BNC2: variants seen among roughly 807,000 people sequenced by gnomAD.
The protein encoded by BNC2 is basonuclin zinc finger protein 2.
BNC2 carries 20 observed loss-of-function variants against 76.3 expected under a neutral mutation model. The ratio of observed to expected loss-of-function variants is 0.26; its 90% confidence interval spans 0.18 to 0.38. BNC2 has a LOEUF of 0.38. Ranked by LOEUF, BNC2 falls within the 10% of genes least tolerant of loss-of-function variation. The pLI, the probability that BNC2 is intolerant of heterozygous loss-of-function variation, is 1.00. For synonymous variants in BNC2, 582 were observed against 514.8 expected (o/e 1.13, Z -1.77); for missense variants, 1,382 against 1,399.8 (o/e 0.99, Z 0.20).
chr9:16,718,310 T>C (rs763638351), intron 3 of BNC2, among the ~76,000 whole-genome samples: 10 of 152,222 alleles, frequency 6.6e-5, no homozygotes, highest in Non-Finnish European at 1.5e-4. Context: ...ATGTTGGAGT[T>C]TGAATTCTTC....
intron 5 of BNC2, among the ~76,000 whole-genome samples, chr9:16,503,468 A>T (rs1291941919): frequency 6.6e-6 from 1 of 152,132 alleles, no homozygotes; most frequent in Admixed American, 6.6e-5. Flanking sequence ...TCAAAAATAC[A>T]AAATACATGG....
intron 1 of BNC2, among the ~76,000 whole-genome samples, chr9:16,749,616 C>T (rs1208973582): frequency 2.0e-5 from 3 of 151,760 alleles, no homozygotes; most frequent in African/African-American, 7.3e-5. Context: ...GGGAAGATTG[C>T]TTGAGCCTGG....
chr9:16,640,337 G>A (rs959577937), intron 3 of BNC2, among the ~76,000 whole-genome samples: 4 of 152,090 alleles, frequency 2.6e-5, no homozygotes, highest in Non-Finnish European at 5.9e-5. Flanking sequence ...TTCATATCCA[G>A]ATCATCTAAA....
intron 5 of BNC2, among the ~76,000 whole-genome samples, chr9:16,548,263 C>G (rs922140480): frequency 6.6e-6 from 1 of 152,094 alleles, no homozygotes; most frequent in Admixed American, 6.5e-5. Context: ...ATGATAATCA[C>G]CCGTATTCTT....
At chr9:16,452,578 T>C (rs1432899636) in intron 5 of BNC2, among the ~76,000 whole-genome samples, 3 of 152,202 alleles carry the variant, frequency 2.0e-5, no homozygotes, top group African/African-American at 7.2e-5. Context: ...CCCGGCTAAT[T>C]TTTGTATATT....
At chr9:16,710,493 C>G (rs192743317) in intron 3 of BNC2, among the ~76,000 whole-genome samples, 10 of 152,304 alleles carry the variant, frequency 6.6e-5, no homozygotes. Context: ...TGGTTCATGA[C>G]CACAGAGTAC....
rs1261026185 is a variant in BNC2, at chr9:16,411,468, T to C, written c.*7521A>G. 2.0e-5 allele frequency: 3 copies of C among 152,582 alleles called. No homozygotes were observed. Among genetic ancestry groups the C allele is most frequent in the African/African-American group, 7.2e-5 (3 of 41,430 alleles). 9.5% of individuals were successfully genotyped at this position (152,582 alleles called of 1,614,324 possible). A position where few individuals can be genotyped will look rare whatever the true frequency, so the allele number is the denominator to read the frequency against. On this transcript the variant is annotated 3_prime_UTR_variant, in exon 7 of 7. Transcript: ENST00000380672. ...CAAACGTCCTTAAGCATCCCTGGTA[T>C]TTTAGAGTTAAGGGGAGAAAGCTAG...
chr9:16,467,721 T>C (rs1011739121), intron 5 of BNC2, among the ~76,000 whole-genome samples: 3 of 142,898 alleles, frequency 2.1e-5, no homozygotes, highest in South Asian at 2.4e-4. Context: ...TTGGGAGATA[T>C]ACCTAATGCT....
At chr9:16,589,644 G>GATT (rs1226381434) in intron 3 of BNC2, among the ~76,000 whole-genome samples, 1 of 150,892 alleles carries the variant, frequency 6.6e-6, no homozygotes, top group Non-Finnish European at 1.5e-5. Flanking sequence ...GAGTAGCTGG[G>GATT]ATTACATGCA....
At chr9:16,486,647 C>T (rs577213653) in intron 5 of BNC2, among the ~76,000 whole-genome samples, 1 of 152,154 alleles carries the variant, frequency 6.6e-6, no homozygotes, top group South Asian at 2.1e-4. Context: ...CTAAAGTTTA[C>T]TTTCTGTTCT....
intron 1 of BNC2, among the ~76,000 whole-genome samples, chr9:16,825,997 T>C (rs921873189): frequency 3.3e-5 from 5 of 152,128 alleles, no homozygotes; most frequent in African/African-American, 1.2e-4. Context: ...CACTGGTCTG[T>C]TCCTAATCTT....
Position 16,656,342 on chromosome 9 carries a change from G to A in BNC2, c.330+71455C>T, listed in dbSNP as rs149910189. 3.9e-4 allele frequency among the ~76,000 whole-genome samples: 59 copies of A among 152,288 alleles called. No individual in the cohort carries two copies. The East Asian group carries it at 9.9e-3, about 25-fold the overall frequency. On this transcript the variant is annotated intron_variant, in intron 3 of 6. Transcript: ENST00000380672. ...AAGGGACGACAATGGGGCCACCCAT[G>A]CTGAGGAGTTTCTGTCTCATTCGAT... is the stretch of plus-strand genomic sequence containing the variant.
chr9:16,526,327 T>C (rs891360922), intron 5 of BNC2, among the ~76,000 whole-genome samples: 53 of 152,296 alleles, frequency 3.5e-4, no homozygotes, highest in Non-Finnish European at 2.6e-4. Flanking sequence ...ATAACAAAGA[T>C]CGTTTACGAG....
intron 1 of BNC2, among the ~76,000 whole-genome samples, chr9:16,846,872 T>C (rs573396133): frequency 2.0e-5 from 3 of 152,204 alleles, no homozygotes; most frequent in South Asian, 4.1e-4. Context: ...AGGCCATCAA[T>C]TTCCAATTCA....
chr9:16,519,392 CA>C (rs1445326655), intron 5 of BNC2, among the ~76,000 whole-genome samples: 2 of 152,208 alleles, frequency 1.3e-5, no homozygotes, highest in Non-Finnish European at 2.9e-5. Context: ...GCTTTTATCT[CA>C]AATCAACCTT....
At chr9:16,862,270 T>C (rs1452836086) in intron 1 of BNC2, among the ~76,000 whole-genome samples, 19 of 152,208 alleles carry the variant, frequency 1.2e-4, no homozygotes, top group Non-Finnish European at 1.5e-5. Context: ...TGTGCTTTCA[T>C]TGAATGGATA....
intron 5 of BNC2, among the ~76,000 whole-genome samples, chr9:16,456,993 A>G (rs1475632532): frequency 6.6e-6 from 1 of 152,184 alleles, no homozygotes; most frequent in Non-Finnish European, 1.5e-5. Flanking sequence ...AAAATGTGTG[A>G]GTATATGTGG....
chr9:16,796,665 G>A (rs1275622636), intron 1 of BNC2, among the ~76,000 whole-genome samples: 1 of 151,686 alleles, frequency 6.6e-6, no homozygotes, highest in African/African-American at 2.4e-5. Flanking sequence ...AAAAAAGAAA[G>A]AAAAGAAGAG....
At chr9:16,689,209 AAAG>A (rs1298705836) in intron 3 of BNC2, among the ~76,000 whole-genome samples, 4 of 152,072 alleles carry the variant, frequency 2.6e-5, no homozygotes, top group Non-Finnish European at 5.9e-5. Flanking sequence ...AGACTTCTGA[AAAG>A]AAGACATAAA....
Sources: allele counts gnomAD v4.1 joint callset (sites outside exome capture counted in the v4.1 genomes callset), GRCh38; gene constraint gnomAD v4.1.1; transcripts MANE v1.5; gene names NCBI Gene and HGNC (gene_info 2026-07-23, HGNC 2026-07-21).